Variants in RIMBP2 observed in about 807,000 individuals in gnomAD.
RIMBP2 encodes RIMS-binding protein 2.
RIMBP2 carries 48 observed loss-of-function variants against 118.6 expected under a neutral mutation model. That is an observed-to-expected ratio of 0.40 (90% CI 0.32 to 0.51). RIMBP2 has a LOEUF of 0.51. Among genes scored for constraint, RIMBP2 ranks in the 20% least tolerant of loss-of-function variants. The pLI, the probability that RIMBP2 is intolerant of heterozygous loss-of-function variation, is 0.41. For synonymous variants in RIMBP2, 762 were observed against 742.9 expected (o/e 1.03, Z -0.42); for missense variants, 1,551 against 1,768.3 (o/e 0.88, Z 2.20).
intron 7 of RIMBP2, among the ~76,000 whole-genome samples, chr12:130,455,572 G>A (rs944299971): frequency 1.3e-5 from 2 of 152,140 alleles, no homozygotes; most frequent in Admixed American, 6.5e-5. Flanking sequence ...AAAAGGGAAG[G>A]GCATGGGAAG....
intron 2 of RIMBP2, among the ~76,000 whole-genome samples, chr12:130,619,567 G>A (rs2061170963): frequency 6.6e-6 from 1 of 152,138 alleles, no homozygotes; most frequent in Non-Finnish European, 1.5e-5. Context: ...AAGGGGTCTG[G>A]GAGATGTTCA....
chr12:130,415,875 G>A lies in RIMBP2; in HGVS notation c.3239-1569C>T, dbSNP rs139485513. 2.6e-3 allele frequency among the ~76,000 whole-genome samples: 392 copies of A among 152,156 alleles called. 12 individuals are homozygous for A. The East Asian group carries it at 0.069, about 27-fold the overall frequency. On this transcript the variant is annotated intron_variant, in intron 17 of 22. Transcript: ENST00000690449. ...TAAAATTTCAGGATACAAAATCAAT[G>A]TATAAAAATCAGTAGCATTTCTATA...
At chr12:130,567,305 C>A (rs552435322) in intron 2 of RIMBP2, among the ~76,000 whole-genome samples, 1 of 152,282 alleles carries the variant, frequency 6.6e-6, no homozygotes, top group African/African-American at 2.4e-5. Flanking sequence ...GGCGTATGCA[C>A]CACAAGAAGG....
At chr12:130,482,887 G>T (rs868537466) in intron 4 of RIMBP2, among the ~76,000 whole-genome samples, 2 of 103,984 alleles carry the variant, frequency 1.9e-5, no homozygotes, top group African/African-American at 3.6e-5. Context: ...ACATGTGTCA[G>T]ATTCTGCAGG....
At chr12:130,496,505 G>A (rs1381229208) in intron 4 of RIMBP2, among the ~76,000 whole-genome samples, 3 of 152,122 alleles carry the variant, frequency 2.0e-5, no homozygotes, top group Non-Finnish European at 2.9e-5. Context: ...GCAGCTCTGG[G>A]GTAGAGGAGG....
intron 1 of RIMBP2, among the ~76,000 whole-genome samples, chr12:130,643,360 C>A (rs1340454437): frequency 2.0e-5 from 3 of 152,182 alleles, no homozygotes; most frequent in Admixed American, 6.5e-5. Context: ...AAGCGACCAG[C>A]AGGAGAGGAT....
In RIMBP2 at chr12:130,487,091, T is replaced by C. The variant is rs533779657; in HGVS notation, c.-3-8075A>G. Among the ~76,000 whole-genome samples the C allele has an allele frequency of 5.9e-5, 9 of 152,384 alleles. No homozygotes were observed. In the South Asian group the frequency reaches 1.0e-3, roughly 18 times the overall value. ...CTCACCTCTCACCTCTGCCCCTTCCTCACTGTGCTTTTGCCACACTGGCTT... is the reference window on the plus strand; with the variant it reads ...CTCACCTCTCACCTCTGCCCCTTCCCCACTGTGCTTTTGCCACACTGGCTT... On this transcript the variant is annotated intron_variant, in intron 4 of 22. Coordinates refer to ENST00000690449, the MANE Select transcript of RIMBP2 (RefSeq NM_001393629.1).
In RIMBP2 at chr12:130,688,560, C is replaced by T. The variant is rs190249156; in HGVS notation, c.-352+27662G>A. Among the ~76,000 whole-genome samples, 6 of 151,710 alleles carry T rather than the reference C, an allele frequency of 4.0e-5. No homozygotes were observed. Among genetic ancestry groups the T allele is most frequent in the African/African-American group, 1.5e-4 (6 of 41,230 alleles). The stretch of plus-strand genomic sequence containing the variant: ...TCGTCTTCACCCCTCCATCCGTTAC[C>T]CCCTGTCAGTTACCCCGGGTGACCC... On this transcript the variant is annotated intron_variant, in intron 1 of 22. Transcript: ENST00000690449. This position sits in a 1 kb window ranked among gnomAD's most constrained non-coding sequence, Gnocchi z 4.7.
At chr12:130,552,601 C>A (rs2055906571) in intron 2 of RIMBP2, among the ~76,000 whole-genome samples, 1 of 152,226 alleles carries the variant, frequency 6.6e-6, no homozygotes, top group Non-Finnish European at 1.5e-5. Context: ...TTAGTCCTGA[C>A]ACTAGAAATT....
intron 7 of RIMBP2, among the ~76,000 whole-genome samples, chr12:130,455,584 C>T (rs2079368297): frequency 6.6e-6 from 1 of 152,116 alleles, no homozygotes; most frequent in Non-Finnish European, 1.5e-5. Context: ...CATGGGAAGG[C>T]GTGGGACGAG....
chr12:130,441,788 A>AG, intron 11 of RIMBP2, 60 bp downstream of exon 11: 1 of 1,461,722 alleles, frequency 6.8e-7, no homozygotes, highest in Non-Finnish European at 9.4e-7. Flanking sequence ...CCTCCCCACT[A>AG]GCAGGGTGAC....
chr12:130,414,254 A>G lies in RIMBP2; in HGVS notation c.3291T>C (p.Thr1097=), dbSNP rs199800110. 1.4e-5 allele frequency: 22 copies of G among 1,613,078 alleles called. No individual in the cohort carries two copies. The East Asian group carries it at 4.7e-4, about 34-fold the overall frequency. Residue 1097 remains threonine, a synonymous_variant, in exon 18 of 23, where the codon ACT becomes ACC. Coordinates refer to ENST00000690449, the MANE Select transcript of RIMBP2 (RefSeq NM_001393629.1). ...CCGGGAGCTCTTCGGCACCAGGGTC[A>G]GTTTCTGACTCTTCATAGAAGTCTG... The part of the protein sequence containing the change: ...LSPDFYEESE[T]DPGAEELPAR...
chr12:130,456,753 T>A (rs2079480843), intron 6 of RIMBP2, 53 bp from the exon 7 acceptor site: 4 of 1,382,538 alleles, frequency 2.9e-6, no homozygotes, highest in Non-Finnish European at 4.0e-6. Context: ...GTGGTGGAAA[T>A]GTGTGTGCGC....
rs148419310 is a variant in RIMBP2 at position 130,561,122 on chromosome 12, C to T, written c.-216-43205G>A. On this transcript the variant is annotated intron_variant, in intron 2 of 22. Transcript: ENST00000690449. ...AGCCCCAAAGATGGCCACCAAATCA[C>T]CAGAAGACAGGAGAGAGGCCAGAAC... Among the ~76,000 whole-genome samples, 1,349 of 152,256 alleles carry T rather than the reference C, an allele frequency of 8.9e-3. 9 individuals carry two copies. Among genetic ancestry groups the T allele is most frequent in the Middle Eastern group, 0.027 (8 of 294 alleles).
rs2076470328 is a variant in RIMBP2 at position 130,422,381 on chromosome 12, C to A, written c.3238+72G>T. On this transcript the variant is annotated intron_variant, in intron 17 of 22. Coordinates refer to ENST00000690449, the MANE Select transcript of RIMBP2 (RefSeq NM_001393629.1). The surrounding 1 kb of genome is among the most constrained non-coding windows in gnomAD (Gnocchi z 5.2). Reference sequence around the variant, plus strand: ...AAAATGCTACTCCTAAAGTTTTGTTCATGCTTAGATGGAGTAAGCAGCCAC... The same window carrying A: ...AAAATGCTACTCCTAAAGTTTTGTTAATGCTTAGATGGAGTAAGCAGCCAC... 4.7e-6 allele frequency: 5 copies of A among 1,054,014 alleles called. No individual in the cohort carries two copies. The South Asian group carries it at 7.7e-5, about 16-fold the overall frequency. The allele number at this position is 1,054,014 out of a possible 1,614,324, so 65.3% of individuals were successfully genotyped here.
intron 1 of RIMBP2, among the ~76,000 whole-genome samples, chr12:130,669,679 A>G (rs6486563): frequency 0.44 from 66,924 of 151,972 alleles, 14,979 homozygotes; most frequent in African/African-American, 0.52. Context: ...TTCCTTTATA[A>G]ATTACCTGGT....
intron 2 of RIMBP2, among the ~76,000 whole-genome samples, chr12:130,535,019 G>T (rs755003509): frequency 5.3e-5 from 8 of 152,174 alleles, no homozygotes; most frequent in Non-Finnish European, 1.2e-4. Flanking sequence ...ACTAAGGAAA[G>T]CCTGTCTGAA....
chr12:130,515,986 C>A (rs1020667079), intron 3 of RIMBP2, among the ~76,000 whole-genome samples: 1 of 152,200 alleles, frequency 6.6e-6, no homozygotes, highest in African/African-American at 2.4e-5. Flanking sequence ...GTGTGAGCCA[C>A]CACACGTGAC....
At chr12:130,676,221 T>G (rs2064457019) in intron 1 of RIMBP2, among the ~76,000 whole-genome samples, 1 of 151,952 alleles carries the variant, frequency 6.6e-6, no homozygotes, top group South Asian at 2.1e-4. Flanking sequence ...CACACATGTG[T>G]TCACACAAAA....
Sources: allele counts gnomAD v4.1 joint callset (sites outside exome capture counted in the v4.1 genomes callset), GRCh38; gene constraint gnomAD v4.1.1; non-coding constraint Gnocchi (gnomAD v3.1); transcripts MANE v1.5; gene names NCBI Gene and HGNC (gene_info 2026-07-23, HGNC 2026-07-21).